DSCAM: variants seen among roughly 807,000 people sequenced by gnomAD.
DSCAM encodes the protein DS cell adhesion molecule.
Under a neutral mutation model 217.7 loss-of-function variants are expected in DSCAM, and 47 were observed. The ratio of observed to expected loss-of-function variants is 0.22; its 90% CI spans 0.17 to 0.28. The LOEUF (loss-of-function observed/expected upper bound fraction) is 0.28, where lower values mean the gene tolerates loss of function less well. Among genes scored for constraint, DSCAM ranks in the 10% least tolerant of loss-of-function variants. The pLI, the probability that DSCAM is intolerant of heterozygous loss-of-function variation, is 1.00. For synonymous variants in DSCAM, 1,056 were observed against 1,015.3 expected (o/e 1.04, Z -0.76); for missense variants, 2,080 against 2,618.3 (o/e 0.79, Z 4.49).
chr21:40,072,344 C>A (rs1200413783), intron 27 of DSCAM, among the ~76,000 whole-genome samples: 1 of 145,084 alleles, frequency 6.9e-6, no homozygotes, highest in Non-Finnish European at 1.5e-5. Context: ...GCCCTCCTGT[C>A]AGATTCTTTT....
At chr21:40,381,156 G>A (rs559323702) in intron 3 of DSCAM, among the ~76,000 whole-genome samples, 1 of 152,264 alleles carries the variant, frequency 6.6e-6, no homozygotes, top group South Asian at 2.1e-4. Flanking sequence ...GGACCAAGGT[G>A]GCTGCTAGGT....
chr21:40,097,954 A>AAAAGAAAGAAAGAAAGAAAGAAAG (rs61675667), intron 20 of DSCAM, among the ~76,000 whole-genome samples: 6 of 51,518 alleles, frequency 1.2e-4, no homozygotes, highest in Non-Finnish European at 2.1e-4. Context: ...AAAAAAAAAA[A>AAAAGAAAGAAAGAAAGAAAGAAAG]AAAGAAAGAA....
At chr21:40,575,345 G>GGT (rs2076841153) in intron 3 of DSCAM, among the ~76,000 whole-genome samples, 1 of 152,098 alleles carries the variant, frequency 6.6e-6, no homozygotes, top group Non-Finnish European at 1.5e-5. Context: ...GCACCCAGGT[G>GGT]ATTAAAAAGC....
chr21:40,284,695 C>G (rs2073803557), intron 10 of DSCAM, among the ~76,000 whole-genome samples: 1 of 152,194 alleles, frequency 6.6e-6, no homozygotes, highest in African/African-American at 2.4e-5. Flanking sequence ...CATCTTAGTT[C>G]CTACACTTCT....
At chr21:40,341,449 G>T (rs1460055499) in intron 6 of DSCAM, among the ~76,000 whole-genome samples, 1 of 151,984 alleles carries the variant, frequency 6.6e-6, no homozygotes. Flanking sequence ...TTCTCTTTTT[G>T]TAGGTAAATT....
At chr21:40,244,909 T>C (rs985408109) in intron 11 of DSCAM, among the ~76,000 whole-genome samples, 1 of 151,944 alleles carries the variant, frequency 6.6e-6, no homozygotes, top group African/African-American at 2.4e-5. Context: ...AATTAGCTAA[T>C]GAGACAGTGC....
At chr21:40,122,837 ACT>A (rs1395719810) in intron 20 of DSCAM, among the ~76,000 whole-genome samples, 2 of 152,000 alleles carry the variant, frequency 1.3e-5, no homozygotes, top group African/African-American at 2.4e-5. Context: ...AAGCCCACAC[ACT>A]CTCACACACT....
At chr21:40,204,905 A>G (rs1480043038) in intron 11 of DSCAM, among the ~76,000 whole-genome samples, 1 of 152,238 alleles carries the variant, frequency 6.6e-6, no homozygotes, top group East Asian at 1.9e-4. Context: ...CCCTGCATCC[A>G]GCAGTGAAAT....
chr21:40,659,707 T>C (rs1261273111), intron 3 of DSCAM, among the ~76,000 whole-genome samples: 4 of 152,182 alleles, frequency 2.6e-5, no homozygotes, highest in African/African-American at 9.7e-5. Context: ...TCTATGTATC[T>C]ATCGATCGAT....
intron 6 of DSCAM, among the ~76,000 whole-genome samples, chr21:40,344,727 C>G (rs1046896496): frequency 2.0e-5 from 3 of 152,200 alleles, no homozygotes; most frequent in Non-Finnish European, 4.4e-5. Context: ...AGCAGCTTAA[C>G]TCTGATGTAC....
chr21:40,036,004 G>A (rs879062179), intron 32 of DSCAM, among the ~76,000 whole-genome samples: 24 of 139,546 alleles, frequency 1.7e-4, no homozygotes, highest in South Asian at 1.1e-3. Context: ...TCTCTGGGAC[G>A]CATTCAAAGC....
At chr21:40,417,190 T>C (rs551937130) in intron 3 of DSCAM, among the ~76,000 whole-genome samples, 2 of 152,344 alleles carry the variant, frequency 1.3e-5, no homozygotes, top group East Asian at 3.9e-4. Flanking sequence ...TCTCATTTAT[T>C]TTCATTTTTT....
chr21:40,641,816 G>A (rs745602309), intron 3 of DSCAM, among the ~76,000 whole-genome samples: 7 of 152,210 alleles, frequency 4.6e-5, no homozygotes, highest in South Asian at 4.2e-4. Context: ...CGGGGAGGCC[G>A]AGGCGGGTGG....
intron 3 of DSCAM, among the ~76,000 whole-genome samples, chr21:40,388,186 G>A (rs1193931898): frequency 6.6e-6 from 1 of 152,178 alleles, no homozygotes. Flanking sequence ...ACTAAAGGAT[G>A]TGCTTCCAGA....
At chr21:40,145,161 C>T (rs941312799) in intron 16 of DSCAM, among the ~76,000 whole-genome samples, 3 of 152,134 alleles carry the variant, frequency 2.0e-5, no homozygotes, top group Non-Finnish European at 4.4e-5. Context: ...GTGAGACTGA[C>T]CCTCAGGCCT....
At chr21:40,223,721 TACA>T (rs1569008986) in intron 11 of DSCAM, among the ~76,000 whole-genome samples, 1 of 152,230 alleles carries the variant, frequency 6.6e-6, no homozygotes, top group Non-Finnish European at 1.5e-5. Context: ...TGTTAAAAGT[TACA>T]ACATTAATAA....
rs532759810 is a variant in DSCAM at position 40,470,010 on chromosome 21, T to C, written c.509-100765A>G. Among the ~76,000 whole-genome samples the C allele has an allele frequency of 7.9e-5, 12 of 152,382 alleles. No individual in the cohort carries two copies. In the South Asian group the frequency reaches 2.5e-3, roughly 32 times the overall value. The stretch of plus-strand genomic sequence containing the variant: ...GAAATCTATTCCAACATGTTTAAAA[T>C]GTTAATCTCTGGGGCATAGAATTAC... On this transcript the variant is annotated intron_variant, in intron 3 of 32. Coordinates refer to ENST00000400454, the MANE Select transcript of DSCAM (RefSeq NM_001389.5).
At chr21:40,538,208 G>A (rs900819043) in intron 3 of DSCAM, among the ~76,000 whole-genome samples, 2 of 152,092 alleles carry the variant, frequency 1.3e-5, no homozygotes, top group Non-Finnish European at 2.9e-5. Context: ...TCCACTCAGA[G>A]GTCACGTGTT....
At chr21:40,106,215 A>C (rs2089818022) in intron 20 of DSCAM, among the ~76,000 whole-genome samples, 1 of 152,212 alleles carries the variant, frequency 6.6e-6, no homozygotes, top group Non-Finnish European at 1.5e-5. Context: ...TCATGAGAAC[A>C]GCACAGGAAA....
Sources: allele counts gnomAD v4.1 joint callset (sites outside exome capture counted in the v4.1 genomes callset), GRCh38; gene constraint gnomAD v4.1.1; transcripts MANE v1.5; gene names NCBI Gene and HGNC (gene_info 2026-07-23, HGNC 2026-07-21).